PAPOLA: variants seen among roughly 807,000 people sequenced by gnomAD.
The protein encoded by PAPOLA is poly(A) polymerase alpha, also known as polynucleotide adenylyltransferase alpha.
PAPOLA carries 15 observed loss-of-function variants against 100.6 expected under a neutral mutation model. That is an observed-to-expected ratio of 0.15 (90% CI 0.10 to 0.23). The LOEUF is 0.23. PAPOLA is among the 10% of genes least tolerant of loss of function. PAPOLA has a pLI of 1.00. For synonymous variants in PAPOLA, 293 were observed against 300.0 expected, an observed-to-expected ratio of 0.98 and a Z score of 0.24; for missense variants, 533 against 884.2, an observed-to-expected ratio of 0.60 and a Z score of 5.04.
Position 96,515,427 on chromosome 14 carries a change from C to G in PAPOLA, c.9-4628C>G, listed in dbSNP as rs905736780. ...AACTCTGATCCAGAAAGGATGAAGACTTTTAAGAATGCTTTAGTCATAATA... is the reference window on the plus strand; with the variant it reads ...AACTCTGATCCAGAAAGGATGAAGAGTTTTAAGAATGCTTTAGTCATAATA... On this transcript the variant is annotated intron_variant, in intron 1 of 21. Coordinates refer to ENST00000216277, the MANE Select transcript of PAPOLA (RefSeq NM_032632.5). Among the ~76,000 whole-genome samples the G allele has an allele frequency of 3.3e-5, 5 of 152,038 alleles. No individual in the cohort carries two copies. The East Asian group carries it at 9.6e-4, about 29-fold the overall frequency.
In PAPOLA at chr14:96,558,473, C is replaced by A. The variant is rs1433652700; in HGVS notation, c.2004+2060C>A. On this transcript the variant is annotated intron_variant, in intron 19 of 21. Transcript: ENST00000216277. ...CCTAAGAGCTCTAAATAAGTTTGTA[C>A]TAGTGCAGTATTTTGCAATTTTGTT... 2.0e-5 allele frequency among the ~76,000 whole-genome samples: 3 copies of A among 152,112 alleles called. No individual in the cohort carries two copies. In the East Asian group the frequency reaches 5.8e-4, roughly 29 times the overall value.
intron 1 of PAPOLA, among the ~76,000 whole-genome samples, chr14:96,506,775 A>G (rs1896744308): frequency 6.6e-6 from 1 of 152,208 alleles, no homozygotes; most frequent in Non-Finnish European, 1.5e-5. Flanking sequence ...ACCATTTGTG[A>G]TGTAATAAAA....
intron 11 of PAPOLA, among the ~76,000 whole-genome samples, chr14:96,536,622 A>G (rs1899555498): frequency 6.6e-6 from 1 of 152,056 alleles, no homozygotes; most frequent in African/African-American, 2.4e-5. Flanking sequence ...AGATGCCTCT[A>G]TCCCTTTAGA....
rs1899138578 is a variant in PAPOLA at position 96,532,662 on chromosome 14, A to G, written c.836+13A>G. On this transcript the variant is annotated intron_variant, in intron 9 of 21. Coordinates refer to ENST00000216277, the MANE Select transcript of PAPOLA (RefSeq NM_032632.5). ...TATTTTCTAAATGGTATGTGTTTAG[A>G]TTATATTAAAATAAAATTGATTGTA... is the stretch of plus-strand genomic sequence containing the variant. The G allele has an allele frequency of 6.4e-7, 1 of 1,567,170 alleles. No homozygotes were observed.
At chr14:96,540,197 T>G (rs1475847436) in intron 12 of PAPOLA, among the ~76,000 whole-genome samples, 7 of 152,184 alleles carry the variant, frequency 4.6e-5, no homozygotes, top group Non-Finnish European at 1.0e-4. Context: ...TGTATATCAT[T>G]TAAGGTTTTG....
At position 96,550,655 on chromosome 14, in the gene PAPOLA, A is replaced by G. The variant is rs1900773529; in HGVS notation, c.1522-1825A>G. 2.0e-5 allele frequency among the ~76,000 whole-genome samples: 3 copies of G among 152,206 alleles called. No homozygotes were observed. In the South Asian group the frequency reaches 6.2e-4, roughly 31 times the overall value. On this transcript the variant is annotated intron_variant, in intron 16 of 21. Coordinates refer to ENST00000216277, the MANE Select transcript of PAPOLA (RefSeq NM_032632.5). The stretch of plus-strand genomic sequence containing the variant: ...GACCTGCCTTTTTTTGTGTTAACAT[A>G]TCGTGACCATCTATCCAAATTACAT...
chr14:96,560,677 T>C lies in PAPOLA; in HGVS notation c.2033T>C (p.Leu678Pro), dbSNP rs902853892. The C allele has an allele frequency of 6.2e-7, 1 of 1,608,928 alleles. No individual in the cohort carries two copies. Among genetic ancestry groups the C allele is most frequent in the Non-Finnish European group, 8.5e-7 (1 of 1,176,138 alleles). Residue 678 changes from leucine (L) to proline (P), a missense_variant, in exon 20 of 22, where the codon CTT (leucine) becomes CCT (proline). Physicochemically the swap from Leu to Pro is moderately conservative, Grantham distance 98. Coordinates refer to ENST00000216277, the MANE Select transcript of PAPOLA (RefSeq NM_032632.5). ...GAAACAAGTGAAGATGCTAACTGTCTTGCTTTGAGTGGACATGATAAAACA... is the reference window on the plus strand; with the variant it reads ...GAAACAAGTGAAGATGCTAACTGTCCTGCTTTGAGTGGACATGATAAAACA... ...EDETSEDANC[L>P]ALSGHDKTEA... is the part of the protein sequence containing the mutation.
At chr14:96,531,444 G>C in intron 6 of PAPOLA, 31 bp from the exon 7 acceptor site, 1 of 1,525,064 alleles carries the variant, frequency 6.6e-7, no homozygotes, top group South Asian at 1.2e-5. Context: ...TAGTTTGACA[G>C]ATATGGAATG....
chr14:96,504,866 T>C (rs1406512813), intron 1 of PAPOLA, among the ~76,000 whole-genome samples: 1 of 152,160 alleles, frequency 6.6e-6, no homozygotes, highest in Non-Finnish European at 1.5e-5. Context: ...TTCCCGGCTA[T>C]ATTGTGTTTG....
Position 96,552,509 on chromosome 14 carries a change from T to C in PAPOLA, c.1551T>C (p.Ala517=). 6.2e-7 allele frequency: 1 copy of C among 1,613,830 alleles called. No homozygotes were observed. Among genetic ancestry groups the C allele is most frequent in the Non-Finnish European group, 8.5e-7 (1 of 1,179,706 alleles). Residue 517 remains alanine, a synonymous_variant, in exon 17 of 22, where the codon GCT becomes GCC. Coordinates refer to ENST00000216277, the MANE Select transcript of PAPOLA (RefSeq NM_032632.5). ...CAACAGAAGGTGTCAAATTGACAGCTCTCAATGACAGCAGCCTCGACTTGT... is the reference window on the plus strand; with the variant it reads ...CAACAGAAGGTGTCAAATTGACAGCCCTCAATGACAGCAGCCTCGACTTGT... The part of the protein sequence containing the change: ...KHSTEGVKLT[A]LNDSSLDLSM...
chr14:96,504,468 C>G (rs1192318580), intron 1 of PAPOLA: 2 of 152,192 alleles, frequency 1.3e-5, no homozygotes, highest in African/African-American at 2.4e-5. Flanking sequence ...TTTGGGAGGC[C>G]CAGGCAGGTA....
intron 10 of PAPOLA, 108 bp downstream of exon 10, chr14:96,534,671 T>C (rs1489294214): frequency 3.8e-6 from 6 of 1,571,002 alleles, no homozygotes; most frequent in Non-Finnish European, 5.2e-6. Context: ...TGAATGGTCA[T>C]GTCCGTATTA....
intron 1 of PAPOLA, 133 bp from the exon 2 acceptor site, chr14:96,519,922 A>G: frequency 3.0e-6 from 2 of 666,858 alleles, no homozygotes. Flanking sequence ...TTTTTGTCAA[A>G]AATTTTGGGG....
chr14:96,516,628 G>C (rs1263968610), intron 1 of PAPOLA, among the ~76,000 whole-genome samples: 1 of 152,134 alleles, frequency 6.6e-6, no homozygotes, highest in Non-Finnish European at 1.5e-5. Flanking sequence ...CATGAGCCAT[G>C]GTGCCTGGCT....
rs1566868277 is a variant in PAPOLA, at chr14:96,559,588, T to TATAC, written c.2005-1058_2005-1057insCATA. The stretch of plus-strand genomic sequence containing the variant: ...CTCTCTCTCTCTCTCTCTCTATATA[T>TATAC]ATATATATACACACACACATATATA... On this transcript the variant is annotated intron_variant, in intron 19 of 21. Transcript: ENST00000216277. Among the ~76,000 whole-genome samples, 3 of 147,444 alleles carry TATAC rather than the reference T, an allele frequency of 2.0e-5. No individual in the cohort carries two copies. The East Asian group carries it at 5.8e-4, about 29-fold the overall frequency.
chr14:96,545,202 A>G (rs931518172), intron 15 of PAPOLA, among the ~76,000 whole-genome samples: 1 of 152,108 alleles, frequency 6.6e-6, no homozygotes, highest in Non-Finnish European at 1.5e-5. Context: ...ACAGGAGAGA[A>G]AAAAGTTAGT....
At chr14:96,513,201 C>T (rs1897223335) in intron 1 of PAPOLA, among the ~76,000 whole-genome samples, 1 of 151,948 alleles carries the variant, frequency 6.6e-6, no homozygotes, top group Non-Finnish European at 1.5e-5. Context: ...GTAGCTGGGA[C>T]TACACTACAG....
At chr14:96,543,780 CT>C (rs1189974437) in intron 14 of PAPOLA, among the ~76,000 whole-genome samples, 2 of 151,898 alleles carry the variant, frequency 1.3e-5, no homozygotes, top group Non-Finnish European at 2.9e-5. Flanking sequence ...AGTTAAATTT[CT>C]GTATTTAGAA....
At position 96,532,802 on chromosome 14, in the gene PAPOLA, G is replaced by T. The variant is rs556928731; in HGVS notation, c.836+153G>T. The stretch of plus-strand genomic sequence containing the variant: ...TTGGAGATCACATTGTGTATAAAAT[G>T]GCAAACTGAAACTATTTTTTTTCCC... On this transcript the variant is annotated intron_variant, in intron 9 of 21. Transcript: ENST00000216277. 3.7e-6 allele frequency: 5 copies of T among 1,340,534 alleles called. No homozygotes were observed. The African/African-American group carries it at 7.5e-5, about 20-fold the overall frequency. 83.0% of individuals were successfully genotyped at this position (1,340,534 alleles called of 1,614,324 possible). A position where few individuals can be genotyped will look rare whatever the true frequency, so the allele number is the denominator to read the frequency against.
Sources: allele counts gnomAD v4.1 joint callset (sites outside exome capture counted in the v4.1 genomes callset), GRCh38; gene constraint gnomAD v4.1.1; transcripts MANE v1.5; gene names NCBI Gene and HGNC (gene_info 2026-07-23, HGNC 2026-07-21).